GRK3: variants seen among roughly 807,000 people sequenced by gnomAD.
GRK3 encodes adrenergic, beta, receptor kinase 2.
GRK3 carries 54 observed loss-of-function variants against 95.7 expected under a neutral mutation model. The observed-to-expected ratio is 0.56, with a 90% CI of 0.45 to 0.71. The LOEUF is 0.71. Among genes scored for constraint, GRK3 ranks in the 30% least tolerant of loss-of-function variants. GRK3 has a pLI of 0.00. For synonymous variants in GRK3, 281 were observed against 290.8 expected, an observed-to-expected ratio of 0.97 and a Z score of 0.34; for missense variants, 649 against 851.2, an observed-to-expected ratio of 0.76 and a Z score of 2.96.
chr22:25,713,638 A>G (rs1474386197), intron 17 of GRK3, among the ~76,000 whole-genome samples: 1 of 152,244 alleles, frequency 6.6e-6, no homozygotes, highest in Non-Finnish European at 1.5e-5. Context: ...ATTTACCAGC[A>G]GGCTTGCTAG....
intron 12 of GRK3, 61 bp from the exon 13 acceptor site, chr22:25,695,046 G>A (rs1601532422): frequency 5.8e-6 from 7 of 1,203,208 alleles, no homozygotes; most frequent in South Asian, 2.6e-5. Context: ...ACCTTGGGGC[G>A]CTGTTAGTGT....
At chr22:25,652,810 A>G (rs533752049) in intron 3 of GRK3, among the ~76,000 whole-genome samples, 40 of 152,352 alleles carry the variant, frequency 2.6e-4, no homozygotes, top group Middle Eastern at 3.4e-3. Flanking sequence ...CGTATATTCA[A>G]AAGGTAAGTA....
At chr22:25,709,991 A>G in intron 16 of GRK3, 27 bp downstream of exon 16, 2 of 1,542,674 alleles carry the variant, frequency 1.3e-6, no homozygotes, top group Non-Finnish European at 1.8e-6. Context: ...GACTCTACTT[A>G]CGGTACTGCC....
At chr22:25,587,451 C>G (rs1311188996) in intron 1 of GRK3, among the ~76,000 whole-genome samples, 1 of 151,960 alleles carries the variant, frequency 6.6e-6, no homozygotes, top group African/African-American at 2.4e-5. Context: ...TTTTTTGAGG[C>G]AGAGTCTTGC....
chr22:25,604,776 C>G, intron 2 of GRK3, among the ~76,000 whole-genome samples: 1 of 152,168 alleles, frequency 6.6e-6, no homozygotes, highest in Non-Finnish European at 1.5e-5. Context: ...TGCTGGGGAG[C>G]TGTGTGTAAT....
rs558397929 is a variant in GRK3 at position 25,633,164 on chromosome 22, G to A, written c.191-11428G>A. ...ACTCCTGACCTCAAGTGATCCACCCGCCTCGGCCTCCCAAAGTGCTAGGAT... is the reference window on the plus strand; with the variant it reads ...ACTCCTGACCTCAAGTGATCCACCCACCTCGGCCTCCCAAAGTGCTAGGAT... On this transcript the variant is annotated intron_variant, in intron 2 of 20. Coordinates refer to ENST00000324198, the MANE Select transcript of GRK3 (RefSeq NM_005160.4). 1.4e-3 allele frequency among the ~76,000 whole-genome samples: 216 copies of A among 151,964 alleles called. 2 individuals carry two copies. Among genetic ancestry groups the A allele is most frequent in the African/African-American group, 5.1e-3 (210 of 41,422 alleles).
At chr22:25,705,037 A>G (rs968396568) in intron 15 of GRK3, among the ~76,000 whole-genome samples, 4 of 152,324 alleles carry the variant, frequency 2.6e-5, no homozygotes, top group African/African-American at 9.6e-5. Flanking sequence ...CTATATGTAT[A>G]TCATACATAT....
chr22:25,609,845 C>CTTTTTT (rs980049696), intron 2 of GRK3, among the ~76,000 whole-genome samples: 2 of 127,860 alleles, frequency 1.6e-5, no homozygotes, highest in Non-Finnish European at 3.4e-5. Context: ...GCAATTTTTA[C>CTTTTTT]TTTTTTTTTT....
chr22:25,628,763 T>G (rs1164953286), intron 2 of GRK3, among the ~76,000 whole-genome samples: 1 of 152,234 alleles, frequency 6.6e-6, no homozygotes, highest in Non-Finnish European at 1.5e-5. Flanking sequence ...GTCACAAGCC[T>G]GTAACATTTG....
intron 1 of GRK3, among the ~76,000 whole-genome samples, chr22:25,567,017 G>T (rs2053251908): frequency 6.6e-6 from 1 of 151,712 alleles, no homozygotes; most frequent in Admixed American, 6.6e-5. Context: ...TCCCTCTTAA[G>T]AACGTACTTA....
At chr22:25,675,457 C>CT (rs1406578162) in intron 8 of GRK3, among the ~76,000 whole-genome samples, 1 of 151,666 alleles carries the variant, frequency 6.6e-6, no homozygotes, top group East Asian at 2.0e-4. Context: ...TGTGGGGGAA[C>CT]ATTTTTTTTT....
At chr22:25,596,590 A>G (rs1490454989) in intron 1 of GRK3, among the ~76,000 whole-genome samples, 1 of 152,238 alleles carries the variant, frequency 6.6e-6, no homozygotes, top group Admixed American at 6.5e-5. Flanking sequence ...ATAGCTAGGT[A>G]TAATTAAATG....
At chr22:25,566,689 G>A (rs945577848) in intron 1 of GRK3, among the ~76,000 whole-genome samples, 3 of 151,994 alleles carry the variant, frequency 2.0e-5, no homozygotes, top group South Asian at 4.1e-4. Flanking sequence ...TAAAATTTCC[G>A]GCAAATGGGA....
At chr22:25,719,207 A>G (rs1318265450) in intron 19 of GRK3, among the ~76,000 whole-genome samples, 1 of 152,216 alleles carries the variant, frequency 6.6e-6, no homozygotes, top group South Asian at 2.1e-4. Context: ...AAAAAAAAAA[A>G]AAACTCCATG....
chr22:25,725,825 T>A lies in GRK3; in HGVS notation c.*3375T>A, dbSNP rs2085469203. 2.9e-6 allele frequency: 1 copy of A among 343,788 alleles called. No homozygotes were observed. Among genetic ancestry groups the A allele is most frequent in the Non-Finnish European group, 5.2e-6 (1 of 192,086 alleles). The allele number at this position is 343,788 out of a possible 1,614,324, so 21.3% of individuals were successfully genotyped here. A position where few individuals can be genotyped will look rare whatever the true frequency, so the allele number is the denominator to read the frequency against. ...TTAGCCGGGCGTGGTGGCGGGCGCC[T>A]GTAGTCCCAGCTACTTGGGAGGCTG... On this transcript the variant is annotated 3_prime_UTR_variant, in exon 21 of 21. Coordinates refer to ENST00000324198, the MANE Select transcript of GRK3 (RefSeq NM_005160.4).
chr22:25,637,238 C>T (rs2084708800), intron 2 of GRK3, among the ~76,000 whole-genome samples: 1 of 152,178 alleles, frequency 6.6e-6, no homozygotes, highest in Non-Finnish European at 1.5e-5. Context: ...CATTGGTTCT[C>T]CTGGTTGTCA....
Position 25,625,449 on chromosome 22 carries a change from G to A in GRK3, c.191-19143G>A, listed in dbSNP as rs112976607. ...CACCAGAAGGGCTCTTTGGTCTAGCGGTGACACCAGCATCTGGGAAGATGC... is the reference window on the plus strand; with the variant it reads ...CACCAGAAGGGCTCTTTGGTCTAGCAGTGACACCAGCATCTGGGAAGATGC... On this transcript the variant is annotated intron_variant, in intron 2 of 20. Transcript: ENST00000324198. Among the ~76,000 whole-genome samples the A allele has an allele frequency of 1.7e-3, 261 of 152,274 alleles. 4 individuals carry two copies. The highest frequency in any genetic ancestry group is 5.6e-3 in the African/African-American group (233 of 41,558).
chr22:25,677,816 G>T (rs2085043776), intron 8 of GRK3, among the ~76,000 whole-genome samples: 1 of 152,188 alleles, frequency 6.6e-6, no homozygotes, highest in Non-Finnish European at 1.5e-5. Flanking sequence ...GAAAACACTT[G>T]CAAGAATTCC....
At chr22:25,683,838 A>G (rs1000274132) in intron 9 of GRK3, among the ~76,000 whole-genome samples, 1 of 152,082 alleles carries the variant, frequency 6.6e-6, no homozygotes, top group African/African-American at 2.4e-5. Flanking sequence ...TACTCTGTTA[A>G]TGGTATCCTC....
Sources: allele counts gnomAD v4.1 joint callset (sites outside exome capture counted in the v4.1 genomes callset), GRCh38; gene constraint gnomAD v4.1.1; transcripts MANE v1.5; gene names NCBI Gene and HGNC (gene_info 2026-07-23, HGNC 2026-07-21).